Variants in BLK observed in about 807,000 individuals in gnomAD.
BLK encodes the protein BLK proto-oncogene, Src family tyrosine kinase.
BLK carries 64 observed loss-of-function variants against 61.8 expected under a neutral mutation model. The ratio of observed to expected loss-of-function variants is 1.03; its 90% CI spans 0.85 to 1.27. The LOEUF (loss-of-function observed/expected upper bound fraction) is 1.27, where lower values mean the gene tolerates loss of function less well. Ranked by LOEUF, BLK falls within the 50% of genes most tolerant of loss-of-function variation. The pLI is 0.00. For synonymous variants in BLK, 351 were observed against 272.0 expected (o/e 1.29, Z -2.86); for missense variants, 853 against 660.5 (o/e 1.29, Z -3.19).
At chr8:11,504,085 A>T (rs143734744) in intron 1 of BLK, among the ~76,000 whole-genome samples, 3,939 of 152,274 alleles carry the variant, frequency 0.026, 135 homozygotes, top group African/African-American at 0.074. Flanking sequence ...GTACTTTGGG[A>T]GGCCGAGGCA....
intron 1 of BLK, among the ~76,000 whole-genome samples, chr8:11,506,160 C>A (rs990969192): frequency 6.6e-6 from 1 of 152,190 alleles, no homozygotes; most frequent in African/African-American, 2.4e-5. Flanking sequence ...CAGAAGGTTA[C>A]CAGCCTGGCT....
intron 12 of BLK, 100 bp from the exon 13 acceptor site, chr8:11,563,803 T>C (rs1323586881): frequency 1.7e-6 from 2 of 1,184,924 alleles, no homozygotes; most frequent in Non-Finnish European, 2.4e-6. Context: ...GGCACTGCTG[T>C]CCCTTGCCTG....
rs552058772 is a variant in BLK at position 11,538,658 on chromosome 8, G to T, written c.-1-4566G>T. Among the ~76,000 whole-genome samples, 8 of 152,340 alleles carry T rather than the reference G, an allele frequency of 5.3e-5. 1 individual carries two copies. In the South Asian group the frequency reaches 1.7e-3, roughly 32 times the overall value. On this transcript the variant is annotated intron_variant, in intron 1 of 12. Coordinates refer to ENST00000259089, the MANE Select transcript of BLK (RefSeq NM_001715.3). The stretch of plus-strand genomic sequence containing the variant: ...CAATATGGCTGGCCAGACTAAGAAA[G>T]ACAAGAGGGCTGGTCACCTGGGCAG...
chr8:11,528,999 G>A (rs1028501651), intron 1 of BLK, among the ~76,000 whole-genome samples: 2 of 152,098 alleles, frequency 1.3e-5, no homozygotes, highest in Non-Finnish European at 2.9e-5. Flanking sequence ...ATGCTGGACC[G>A]AATACTTAGG....
At chr8:11,509,688 G>T (rs1388379079) in intron 1 of BLK, 1 of 152,192 alleles carries the variant, frequency 6.6e-6, no homozygotes, top group Non-Finnish European at 1.5e-5. Context: ...TCTGGCCACA[G>T]CCACTTGGAA....
intron 6 of BLK, chr8:11,553,138 C>T (rs746039394): frequency 3.7e-4 from 71 of 193,978 alleles, no homozygotes; most frequent in Non-Finnish European, 6.5e-4. Flanking sequence ...CAAAGCAAGA[C>T]CCCTCTGCTT....
rs986484023 is a variant in BLK at position 11,525,682 on chromosome 8, C to T, written c.-1-17542C>T. Among the ~76,000 whole-genome samples, 6 of 152,136 alleles carry T rather than the reference C, an allele frequency of 3.9e-5. No homozygotes were observed. In the South Asian group the frequency reaches 8.3e-4, roughly 21 times the overall value. On this transcript the variant is annotated intron_variant, in intron 1 of 12. Transcript: ENST00000259089. The stretch of plus-strand genomic sequence containing the variant: ...GGTATAAACTGAAAACTCAAAAGTT[C>T]GCCTTCCCTGCCACCACTCATGTGC...
At chr8:11,563,226 C>G in intron 12 of BLK, 116 bp downstream of exon 12, 1 of 1,461,026 alleles carries the variant, frequency 6.8e-7, no homozygotes. Context: ...AGTCCCAGAG[C>G]GAAGACGGAG....
intron 5 of BLK, 107 bp downstream of exon 5, chr8:11,549,229 A>G (rs761520376): frequency 1.4e-5 from 14 of 987,226 alleles, no homozygotes; most frequent in Non-Finnish European, 2.2e-5. Context: ...GGGAGCCTGC[A>G]GGCACTAGCA....
chr8:11,541,100 T>C (rs74333269), intron 1 of BLK, among the ~76,000 whole-genome samples: 3,299 of 152,194 alleles, frequency 0.022, 71 homozygotes, highest in African/African-American at 0.052. Flanking sequence ...ACCCTGTCTC[T>C]ACCAAAAAAT....
In BLK at chr8:11,563,997, C is replaced by G; in HGVS notation, c.1407C>G (p.Ile469Met). The change falls in exon 13 of 13, where the codon ATC (isoleucine) becomes ATG (methionine). Residue 469 changes from isoleucine (I) to methionine (M), a missense_variant. Transcript: ENST00000259089. ...CGCCCGAGCTGTACCGCGGCGTCAT[C>G]GCCGAGTGCTGGCGCAGCCGGCCCG... ...TCPPELYRGV[I>M]AECWRSRPEE... 1 of 1,605,820 alleles carries G rather than the reference C, an allele frequency of 6.2e-7. No individual in the cohort carries two copies. The highest frequency in any genetic ancestry group is 8.5e-7 in the Non-Finnish European group (1 of 1,179,258).
intron 1 of BLK, among the ~76,000 whole-genome samples, chr8:11,542,253 C>G (rs896868533): frequency 1.3e-5 from 2 of 152,178 alleles, no homozygotes; most frequent in Non-Finnish European, 2.9e-5. Context: ...TTGTGAGACA[C>G]CTCCCAGTTC....
intron 8 of BLK, 131 bp from the exon 9 acceptor site, chr8:11,556,527 G>A (rs527394283): frequency 4.2e-5 from 47 of 1,117,982 alleles, no homozygotes; most frequent in South Asian, 5.2e-5. Flanking sequence ...CATGGCCTCC[G>A]GAACTGCATG....
intron 1 of BLK, among the ~76,000 whole-genome samples, chr8:11,517,128 G>A (rs948135893): frequency 2.0e-4 from 31 of 152,188 alleles, no homozygotes; most frequent in Non-Finnish European, 4.6e-4. Flanking sequence ...GCAGGTGGGA[G>A]GACAGGGAAG....
intron 1 of BLK, among the ~76,000 whole-genome samples, chr8:11,508,672 C>T (rs898112091): frequency 7.2e-5 from 11 of 152,212 alleles, no homozygotes; most frequent in Non-Finnish European, 1.5e-4. Context: ...TCATTACTTA[C>T]GGGGATGTGC....
intron 1 of BLK, among the ~76,000 whole-genome samples, chr8:11,515,563 C>G (rs959349842): frequency 6.6e-6 from 1 of 152,164 alleles, no homozygotes; most frequent in African/African-American, 2.4e-5. Flanking sequence ...TGCTGCAGCC[C>G]TCATCTGGAT....
At chr8:11,554,318 GGCT>G in intron 6 of BLK, 1 of 255,426 alleles carries the variant, frequency 3.9e-6, no homozygotes, top group Non-Finnish European at 7.7e-6. Flanking sequence ...AGCTGTGAAT[GGCT>G]ATCTGCTTGT....
chr8:11,561,482 C>A (rs1214139689), intron 11 of BLK, 30 bp downstream of exon 11: 1 of 1,610,448 alleles, frequency 6.2e-7, no homozygotes, highest in South Asian at 1.1e-5. Flanking sequence ...ACAAGGGAAA[C>A]CTAGGGCCTT....
intron 6 of BLK, chr8:11,552,452 A>G (rs1198256978): frequency 6.6e-6 from 1 of 152,224 alleles, no homozygotes; most frequent in Non-Finnish European, 1.5e-5. Flanking sequence ...TTTGTGGCAG[A>G]GCACCTCTGT....
Sources: allele counts gnomAD v4.1 joint callset (sites outside exome capture counted in the v4.1 genomes callset), GRCh38; gene constraint gnomAD v4.1.1; transcripts MANE v1.5; gene names NCBI Gene and HGNC (gene_info 2026-07-23, HGNC 2026-07-21).